Variants in ANKS1B observed in about 807,000 individuals in gnomAD.
The protein encoded by ANKS1B is ankyrin repeat and sterile alpha motif domain-containing protein 1B.
ANKS1B carries 36 observed loss-of-function variants against 148.3 expected under a neutral mutation model. The ratio of observed to expected loss-of-function variants is 0.24; its 90% CI spans 0.19 to 0.32. The LOEUF (loss-of-function observed/expected upper bound fraction) is 0.32, where lower values mean the gene tolerates loss of function less well. Ranked by LOEUF, ANKS1B falls within the 10% of genes least tolerant of loss-of-function variation. The pLI, the probability that ANKS1B is intolerant of heterozygous loss-of-function variation, is 1.00. For synonymous variants in ANKS1B, 542 were observed against 560.8 expected, an observed-to-expected ratio of 0.97 and a Z score of 0.47; for missense variants, 1,157 against 1,542.6, an observed-to-expected ratio of 0.75 and a Z score of 4.19.
intron 11 of ANKS1B, among the ~76,000 whole-genome samples, chr12:99,410,538 A>G (rs1434144445): frequency 6.6e-6 from 1 of 152,108 alleles, no homozygotes; most frequent in Non-Finnish European, 1.5e-5. Flanking sequence ...GTGTGGTTGC[A>G]GGCTCCTGTA....
intron 17 of ANKS1B, among the ~76,000 whole-genome samples, chr12:98,900,922 G>T (rs770253736): frequency 5.3e-5 from 8 of 152,168 alleles, no homozygotes; most frequent in Non-Finnish European, 1.2e-4. Flanking sequence ...CAACTAACAC[G>T]TGACTTTCTC....
At chr12:99,598,047 G>A (rs896416573) in intron 9 of ANKS1B, among the ~76,000 whole-genome samples, 6 of 152,004 alleles carry the variant, frequency 3.9e-5, no homozygotes, top group African/African-American at 1.4e-4. Context: ...ATATTCTTAA[G>A]GCCCTACCAA....
At chr12:99,355,824 A>G (rs2091921200) in intron 12 of ANKS1B, among the ~76,000 whole-genome samples, 1 of 151,792 alleles carries the variant, frequency 6.6e-6, no homozygotes, top group Non-Finnish European at 1.5e-5. Flanking sequence ...GGATCCTTTT[A>G]TCTCCTTTCC....
chr12:98,776,453 C>G (rs1022270826), intron 24 of ANKS1B, among the ~76,000 whole-genome samples: 1 of 152,208 alleles, frequency 6.6e-6, no homozygotes, highest in African/African-American at 2.4e-5. Context: ...CCTCCTGCCT[C>G]TTCTTGGGGA....
At chr12:99,083,432 A>G (rs1253395400) in intron 16 of ANKS1B, among the ~76,000 whole-genome samples, 1 of 152,106 alleles carries the variant, frequency 6.6e-6, no homozygotes, top group Non-Finnish European at 1.5e-5. Context: ...TCTAGAATTA[A>G]CTGGCCTAAA....
intron 1 of ANKS1B, among the ~76,000 whole-genome samples, chr12:99,834,800 G>GA (rs1051488031): frequency 1.9e-4 from 29 of 152,076 alleles, no homozygotes; most frequent in African/African-American, 7.0e-4. Context: ...TCTGACCCCT[G>GA]ACACATGAGA....
intron 17 of ANKS1B, among the ~76,000 whole-genome samples, chr12:98,847,251 T>C (rs892257264): frequency 6.6e-6 from 1 of 151,726 alleles, no homozygotes; most frequent in South Asian, 2.1e-4. Flanking sequence ...ATTTTCTATT[T>C]AACCATCACC....
At position 98,855,174 on chromosome 12, in the gene ANKS1B, A is replaced by C. The variant is rs541119602; in HGVS notation, c.2779-23038T>G. Among the ~76,000 whole-genome samples, 42 of 152,160 alleles carry C rather than the reference A, an allele frequency of 2.8e-4. No homozygotes were observed. In the South Asian group the frequency reaches 7.9e-3, roughly 29 times the overall value. On this transcript the variant is annotated intron_variant, in intron 17 of 26. Transcript: ENST00000683438. ...GAGCGAGACTCCGTCTCAAAAAAAA[A>C]AAAAAAAAAATCTCTTAAGAAACCA...
At chr12:99,480,994 G>T (rs2096400959) in intron 10 of ANKS1B, among the ~76,000 whole-genome samples, 1 of 146,196 alleles carries the variant, frequency 6.8e-6, no homozygotes, top group Admixed American at 6.8e-5. Flanking sequence ...AATTTTCACT[G>T]ATTTTTTTTT....
At chr12:99,305,980 T>C (rs1349534179) in intron 12 of ANKS1B, among the ~76,000 whole-genome samples, 6 of 152,134 alleles carry the variant, frequency 3.9e-5, no homozygotes, top group Non-Finnish European at 2.9e-5. Context: ...TAACAGAAAT[T>C]TAACTACACT....
At chr12:99,523,353 T>C (rs7954461) in intron 9 of ANKS1B, among the ~76,000 whole-genome samples, 5,851 of 152,138 alleles carry the variant, frequency 0.038, 386 homozygotes, top group African/African-American at 0.14. Context: ...AAAGGTAAAA[T>C]AGTGATTAGA....
At chr12:99,240,933 C>G (rs1279484993) in intron 14 of ANKS1B, among the ~76,000 whole-genome samples, 2 of 152,068 alleles carry the variant, frequency 1.3e-5, no homozygotes, top group Non-Finnish European at 2.9e-5. Flanking sequence ...TAAATGCCCA[C>G]AAGAGAAAGC....
At chr12:99,851,140 T>C (rs1350260847) in intron 1 of ANKS1B, among the ~76,000 whole-genome samples, 1 of 152,140 alleles carries the variant, frequency 6.6e-6, no homozygotes, top group African/African-American at 2.4e-5. Context: ...GTTGTTGCTA[T>C]TGTTTTATTT....
intron 14 of ANKS1B, among the ~76,000 whole-genome samples, chr12:99,242,244 C>T (rs1308356588): frequency 6.6e-6 from 1 of 152,200 alleles, no homozygotes; most frequent in Admixed American, 6.5e-5. Flanking sequence ...TCCTATACAC[C>T]AATAATAGAC....
At chr12:99,461,454 C>T (rs192516243) in intron 10 of ANKS1B, among the ~76,000 whole-genome samples, 18 of 152,098 alleles carry the variant, frequency 1.2e-4, no homozygotes, top group African/African-American at 4.1e-4. Context: ...AGAAAATGAA[C>T]TTGCTAAATC....
At chr12:99,047,186 G>C (rs1447157895) in intron 17 of ANKS1B, among the ~76,000 whole-genome samples, 1 of 152,172 alleles carries the variant, frequency 6.6e-6, no homozygotes, top group African/African-American at 2.4e-5. Flanking sequence ...GATCACTTGA[G>C]GTCAGGAGTT....
At chr12:98,837,590 T>C (rs1010491812) in intron 17 of ANKS1B, among the ~76,000 whole-genome samples, 1 of 152,186 alleles carries the variant, frequency 6.6e-6, no homozygotes, top group Non-Finnish European at 1.5e-5. Context: ...ATAATCATGC[T>C]GGATGACAAT....
chr12:99,053,115 C>G, intron 17 of ANKS1B, 42 bp downstream of exon 17: 1 of 1,499,540 alleles, frequency 6.7e-7, no homozygotes, highest in Non-Finnish European at 8.9e-7. Flanking sequence ...TTTCATTTAT[C>G]AAGGGTTGAA....
At chr12:99,965,661 C>T (rs1255785558) in intron 1 of ANKS1B, among the ~76,000 whole-genome samples, 1 of 152,120 alleles carries the variant, frequency 6.6e-6, no homozygotes, top group Non-Finnish European at 1.5e-5. Context: ...CGGTGGCTCA[C>T]GCCAGTAATC....
Sources: gnomAD v4.1 joint callset for allele counts (sites outside exome capture counted in the v4.1 genomes callset) on GRCh38, gnomAD v4.1.1 for gene constraint, MANE v1.5 for transcripts, NCBI Gene and HGNC (gene_info 2026-07-23, HGNC 2026-07-21) for gene names.